C14orf39: variants seen among roughly 807,000 people sequenced by gnomAD.
C14orf39 encodes chromosome 14 open reading frame 39, also known as protein SIX6OS1.
A neutral mutation model predicts 85.6 loss-of-function variants in C14orf39; 66 were observed. That is an observed-to-expected ratio of 0.77 (90% CI 0.63 to 0.95). The LOEUF is 0.95. Ranked by LOEUF, C14orf39 falls within the 40% of genes least tolerant of loss-of-function variation. The pLI, the probability that C14orf39 is intolerant of heterozygous loss-of-function variation, is 0.00. For synonymous variants in C14orf39, 242 were observed against 214.0 expected, an observed-to-expected ratio of 1.13 and a Z score of -1.14; for missense variants, 735 against 663.9, an observed-to-expected ratio of 1.11 and a Z score of -1.18.
At chr14:60,483,250 T>C (rs1391849919) in intron 4 of C14orf39, among the ~76,000 whole-genome samples, 1 of 152,162 alleles carries the variant, frequency 6.6e-6, no homozygotes, top group African/African-American at 2.4e-5. Context: ...GTCTTTGTTG[T>C]TTTTATGTAT....
intron 2 of C14orf39, among the ~76,000 whole-genome samples, chr14:60,492,977 T>C (rs568726055): frequency 2.0e-5 from 3 of 151,956 alleles, no homozygotes; most frequent in Non-Finnish European, 4.4e-5. Flanking sequence ...TTTCCATGAG[T>C]TTTATCTCTA....
At chr14:60,472,314 C>G (rs1405825431) in intron 5 of C14orf39, among the ~76,000 whole-genome samples, 1 of 152,102 alleles carries the variant, frequency 6.6e-6, no homozygotes, top group Non-Finnish European at 1.5e-5. Context: ...AAGAACTCTA[C>G]TCCAGCTCCA....
At chr14:60,465,286 T>C (rs903191517) in intron 11 of C14orf39, among the ~76,000 whole-genome samples, 4 of 152,148 alleles carry the variant, frequency 2.6e-5, no homozygotes, top group Admixed American at 1.3e-4. Context: ...ACAATTATAT[T>C]TTTCATTGAG....
At chr14:60,462,260 T>C (rs1891566971) in intron 11 of C14orf39, among the ~76,000 whole-genome samples, 1 of 130,780 alleles carries the variant, frequency 7.6e-6, no homozygotes, top group South Asian at 2.5e-4. Flanking sequence ...TCCTAGCTAC[T>C]GAGGGGAGAG....
At chr14:60,510,300 T>C (rs1397588953) in intron 1 of C14orf39, among the ~76,000 whole-genome samples, 1 of 152,216 alleles carries the variant, frequency 6.6e-6, no homozygotes, top group Admixed American at 6.5e-5. Context: ...CCAAAGCTAA[T>C]TCTTGTCAGC....
chr14:60,476,181 G>GA (rs1015383413), intron 5 of C14orf39, among the ~76,000 whole-genome samples: 9 of 152,086 alleles, frequency 5.9e-5, no homozygotes, highest in African/African-American at 9.7e-5. Context: ...AATCGCTTGG[G>GA]AAAAATGGTC....
intron 10 of C14orf39, 100 bp downstream of exon 10, chr14:60,466,817 T>C: frequency 1.0e-6 from 1 of 966,002 alleles, no homozygotes; most frequent in Non-Finnish European, 1.4e-6. Context: ...TCCAGTATTG[T>C]TTTTACTTAC....
Position 60,471,403 on chromosome 14 carries a change from A to C in C14orf39, c.554+14T>G, listed in dbSNP as rs1186470981. On this transcript the variant is annotated intron_variant, in intron 7 of 17. Transcript: ENST00000321731. ...TCTAATAAAAATTATAAGTACAAAT[A>C]CTATTGTGGATACATGTTTAAAGTC... 1 of 1,554,336 alleles carries C rather than the reference A, an allele frequency of 6.4e-7. No homozygotes were observed. Among genetic ancestry groups the C allele is most frequent in the Non-Finnish European group, 8.7e-7 (1 of 1,146,012 alleles).
chr14:60,468,100 A>C (rs1222084014), intron 9 of C14orf39, among the ~76,000 whole-genome samples: 1 of 151,620 alleles, frequency 6.6e-6, no homozygotes, highest in East Asian at 1.9e-4. Flanking sequence ...AAAAGTAAAT[A>C]CCTTGCTATT....
chr14:60,489,024 C>CT (rs542088846), upstream of C14orf39, among the ~76,000 whole-genome samples: 239 of 152,220 alleles, frequency 1.6e-3, no homozygotes, highest in Non-Finnish European at 2.9e-3. Context: ...CTACCCTTTT[C>CT]TTTTTTGGGG....
chr14:60,482,879 G>GGTGTGT (rs60206941), intron 4 of C14orf39, among the ~76,000 whole-genome samples: 29,882 of 146,564 alleles, frequency 0.2, 3,553 homozygotes, highest in East Asian at 0.44. Context: ...TATATAGACA[G>GGTGTGT]GTGTGTGTGT....
rs565494227 is a variant in C14orf39 at position 60,496,226 on chromosome 14, T to C, written c.-9+3070A>G. ...TTCATCTGAATTCAGATCTGCTGGG[T>C]GAGCTGGATCTGCTGTAGCTGCTGC... On this transcript the variant is annotated intron_variant, in intron 2 of 5. Transcript: ENST00000556799. 1.6e-3 allele frequency: 676 copies of C among 416,364 alleles called. 14 individuals carry two copies. The highest frequency in any genetic ancestry group is 0.012 in the South Asian group (662 of 54,674). 25.8% of individuals were successfully genotyped at this position (416,364 alleles called of 1,614,324 possible).
At chr14:60,445,337 C>T (rs1890712631) in intron 16 of C14orf39, among the ~76,000 whole-genome samples, 1 of 152,102 alleles carries the variant, frequency 6.6e-6, no homozygotes, top group South Asian at 2.1e-4. Context: ...CATGCAGAGA[C>T]ACACATAGGC....
intron 1 of C14orf39, among the ~76,000 whole-genome samples, chr14:60,500,528 T>C (rs1566688646): frequency 6.6e-6 from 1 of 152,228 alleles, no homozygotes; most frequent in Non-Finnish European, 1.5e-5. Context: ...AAAAATGGAA[T>C]TTAAACATCA....
At chr14:60,441,996 G>A in intron 17 of C14orf39, 78 bp downstream of exon 17, 1 of 950,264 alleles carries the variant, frequency 1.1e-6, no homozygotes, top group South Asian at 1.6e-5. Flanking sequence ...GAGCACCTAA[G>A]AAAATAAGTT....
rs570208511 is a variant in C14orf39 at position 60,447,134 on chromosome 14, G to A, written c.1504-5003C>T. 2.4e-3 allele frequency among the ~76,000 whole-genome samples: 362 copies of A among 152,376 alleles called. 1 individual carries two copies. The highest frequency in any genetic ancestry group is 8.3e-3 in the African/African-American group (345 of 41,574). Reference sequence around the variant, plus strand: ...AACTGGAAGCATTCCCTTTGAAAACGGGCACAAGACAAGGATGCCCTCTCA... The same window carrying A: ...AACTGGAAGCATTCCCTTTGAAAACAGGCACAAGACAAGGATGCCCTCTCA... On this transcript the variant is annotated intron_variant, in intron 16 of 17. Coordinates refer to ENST00000321731, the MANE Select transcript of C14orf39 (RefSeq NM_174978.3).
chr14:60,487,957 C>G (rs1892929580), upstream of C14orf39, among the ~76,000 whole-genome samples: 1 of 152,134 alleles, frequency 6.6e-6, no homozygotes, highest in Non-Finnish European at 1.5e-5. Context: ...CATTTTTAAT[C>G]AGATTGTTTG....
At chr14:60,439,869 T>C (rs530792569) in intron 17 of C14orf39, among the ~76,000 whole-genome samples, 2 of 152,222 alleles carry the variant, frequency 1.3e-5, no homozygotes, top group South Asian at 4.1e-4. Flanking sequence ...AGGTCAGGAA[T>C]TTGAGACCAG....
At chr14:60,488,523 C>G (rs1892938434), upstream of C14orf39, among the ~76,000 whole-genome samples, 1 of 152,116 alleles carries the variant, frequency 6.6e-6, no homozygotes, top group African/African-American at 2.4e-5. Flanking sequence ...AAAGTACTCC[C>G]ACAAGATAAA....
Sources: gnomAD v4.1 joint callset for allele counts (sites outside exome capture counted in the v4.1 genomes callset) on GRCh38, gnomAD v4.1.1 for gene constraint, MANE v1.5 for transcripts, NCBI Gene and HGNC (gene_info 2026-07-23, HGNC 2026-07-21) for gene names.